The following OCLN variants were observed in gnomAD, a reference collection of about 807,000 sequenced individuals.
OCLN encodes occludin.
A neutral mutation model predicts 47.9 loss-of-function variants in OCLN; 21 were observed. The observed-to-expected ratio is 0.44, with a 90% CI of 0.31 to 0.63. The LOEUF (loss-of-function observed/expected upper bound fraction) is 0.63, where lower values mean the gene tolerates loss of function less well. Ranked by LOEUF, OCLN falls within the 30% of genes least tolerant of loss-of-function variation. The pLI is 0.08. For synonymous variants in OCLN, 117 were observed against 198.4 expected, an observed-to-expected ratio of 0.59 and a Z score of 3.45; for missense variants, 360 against 571.0, an observed-to-expected ratio of 0.63 and a Z score of 3.77.
intron 2 of OCLN, among the ~76,000 whole-genome samples, chr5:69,506,605 C>T (rs1768614399): frequency 6.6e-6 from 1 of 152,188 alleles, no homozygotes; most frequent in East Asian, 1.9e-4. Flanking sequence ...CCTGAAGCTT[C>T]CTAGGGCTGC....
chr5:69,513,901 T>G (rs1321273570), intron 3 of OCLN, 47 bp from the exon 4 acceptor site: 2 of 1,483,896 alleles, frequency 1.3e-6, no homozygotes, highest in Admixed American at 3.3e-5. Flanking sequence ...GAATTGTGAT[T>G]AAGCAATTAA....
intron 4 of OCLN, among the ~76,000 whole-genome samples, chr5:69,528,357 C>A (rs1033595839): frequency 2.6e-5 from 4 of 152,086 alleles, no homozygotes; most frequent in African/African-American, 9.7e-5. Flanking sequence ...CTGGGAAAAT[C>A]CTACTCTTTC....
chr5:69,548,471 G>A (rs1394840137), intron 7 of OCLN, among the ~76,000 whole-genome samples: 2 of 150,012 alleles, frequency 1.3e-5, no homozygotes, highest in African/African-American at 4.9e-5. Flanking sequence ...CTGCCACCAC[G>A]CCCGGCTAAT....
chr5:69,522,189 C>T (rs986508093), intron 4 of OCLN, among the ~76,000 whole-genome samples: 1 of 152,106 alleles, frequency 6.6e-6, no homozygotes, highest in Non-Finnish European at 1.5e-5. Context: ...CTCTACATAT[C>T]TTTGTTCCTA....
chr5:69,511,409 A>T (rs2111982142), intron 3 of OCLN, among the ~76,000 whole-genome samples: 1 of 151,210 alleles, frequency 6.6e-6, no homozygotes, highest in South Asian at 2.1e-4. Context: ...TAATTGGGCT[A>T]TTTTTGTTGT....
chr5:69,550,537 G>A (rs1364298184), intron 7 of OCLN, among the ~76,000 whole-genome samples: 1 of 148,518 alleles, frequency 6.7e-6, no homozygotes, highest in Admixed American at 6.8e-5. Context: ...ATTGCTGAGA[G>A]TCAGAGGGTA....
intron 2 of OCLN, among the ~76,000 whole-genome samples, chr5:69,506,400 C>G (rs1768600783): frequency 6.6e-6 from 1 of 152,230 alleles, no homozygotes. Flanking sequence ...GTGCCACCCT[C>G]CAGGAACTTG....
rs1439858395 is a variant in OCLN, at chr5:69,557,423, C to T, written c.*3752C>T. 2.5e-5 allele frequency: 2 copies of T among 79,230 alleles called. 1 individual carries two copies. Among genetic ancestry groups the T allele is most frequent in the Non-Finnish European group, 7.7e-5 (2 of 26,062 alleles). The allele number at this position is 79,230 out of a possible 1,614,324, so 4.9% of individuals were successfully genotyped here. On this transcript the variant is annotated 3_prime_UTR_variant, in exon 9 of 9. Transcript: ENST00000396442. Reference sequence around the variant, plus strand: ...CTAAAAGTAAATATGCCTAGCTACCCCCATCTTCCAAAGCCAGAAGGTGAA... The same window carrying T: ...CTAAAAGTAAATATGCCTAGCTACCTCCATCTTCCAAAGCCAGAAGGTGAA...
intron 7 of OCLN, among the ~76,000 whole-genome samples, chr5:69,550,618 T>C (rs1455260263): frequency 9.1e-6 from 1 of 109,508 alleles, no homozygotes; most frequent in African/African-American, 3.1e-5. Context: ...CTTGATACAA[T>C]ACAGGACTCA....
intron 2 of OCLN, among the ~76,000 whole-genome samples, chr5:69,504,609 GT>G (rs1408850278): frequency 2.0e-5 from 3 of 152,106 alleles, no homozygotes; most frequent in Non-Finnish European, 4.4e-5. Context: ...CCTCATTTAG[GT>G]GGCCATTGGG....
intron 1 of OCLN, among the ~76,000 whole-genome samples, chr5:69,497,428 G>A (rs1052107052): frequency 3.0e-5 from 4 of 132,028 alleles, no homozygotes; most frequent in Admixed American, 9.4e-5. Flanking sequence ...TCACTGTGTC[G>A]CCAGGCTGGA....
chr5:69,508,068 C>T (rs372748094), intron 2 of OCLN, among the ~76,000 whole-genome samples: 1 of 151,480 alleles, frequency 6.6e-6, no homozygotes, highest in African/African-American at 2.4e-5. Flanking sequence ...ATTTTTTTGC[C>T]CTGTCACCCA....
intron 4 of OCLN, among the ~76,000 whole-genome samples, chr5:69,532,917 G>A (rs1199561752): frequency 2.0e-5 from 3 of 151,578 alleles, no homozygotes; most frequent in South Asian, 2.1e-4. Flanking sequence ...ACAGTGAGCC[G>A]AGATCGCACC....
intron 4 of OCLN, among the ~76,000 whole-genome samples, chr5:69,521,126 C>T (rs778755550): frequency 2.0e-5 from 3 of 152,304 alleles, no homozygotes; most frequent in Non-Finnish European, 4.4e-5. Context: ...CATGAGCCAC[C>T]GTGCCTAGCC....
At chr5:69,512,285 A>C (rs1211367156) in intron 3 of OCLN, among the ~76,000 whole-genome samples, 1 of 152,232 alleles carries the variant, frequency 6.6e-6, no homozygotes, top group African/African-American at 2.4e-5. Context: ...GTTTATATGC[A>C]GTTGTCTCAG....
At chr5:69,494,471 C>T (rs1580537452) in intron 1 of OCLN, among the ~76,000 whole-genome samples, 1 of 152,238 alleles carries the variant, frequency 6.6e-6, no homozygotes, top group African/African-American at 2.4e-5. Context: ...CAGGCGTAAG[C>T]CACCACACCC....
At position 69,555,685 on chromosome 5, in the gene OCLN, A is replaced by G. The variant is rs1469685632; in HGVS notation, c.*2014A>G. ...TAAATTCTTAATTTTCTGCATGCAC[A>G]TAATACAAAAGGTATTTTCATAGTT... On this transcript the variant is annotated 3_prime_UTR_variant, in exon 9 of 9. Transcript: ENST00000396442. The G allele has an allele frequency of 6.6e-6, 1 of 152,142 alleles. No homozygotes were observed. The highest frequency in any genetic ancestry group is 1.5e-5 in the Non-Finnish European group (1 of 68,028). The allele number at this position is 152,142 out of a possible 1,614,324, so 9.4% of individuals were successfully genotyped here. A position where few individuals can be genotyped will look rare whatever the true frequency, so the allele number is the denominator to read the frequency against.
At chr5:69,515,672 C>T (rs1315670549) in intron 4 of OCLN, among the ~76,000 whole-genome samples, 81 of 150,600 alleles carry the variant, frequency 5.4e-4, no homozygotes, top group South Asian at 6.4e-4. Flanking sequence ...GGGTAGCTGC[C>T]GGGCAGAGAC....
chr5:69,526,655 C>T (rs1310396230), intron 4 of OCLN, among the ~76,000 whole-genome samples: 1 of 151,570 alleles, frequency 6.6e-6, no homozygotes, highest in African/African-American at 2.4e-5. Context: ...AAAGGATCTC[C>T]AGCTGTGAAA....
Sources: gnomAD v4.1 joint callset for allele counts (sites outside exome capture counted in the v4.1 genomes callset) on GRCh38, gnomAD v4.1.1 for gene constraint, MANE v1.5 for transcripts, NCBI Gene and HGNC (gene_info 2026-07-23, HGNC 2026-07-21) for gene names.